RALGPS1: variants seen among roughly 807,000 people sequenced by gnomAD.
RALGPS1 encodes the protein ras-specific guanine nucleotide-releasing factor RalGPS1.
In RALGPS1, 19 loss-of-function variants were observed where a neutral mutation model predicts 78.8. That is an observed-to-expected ratio of 0.24 (90% confidence interval 0.17 to 0.35). The LOEUF is 0.35. Among genes scored for constraint, RALGPS1 ranks in the 10% least tolerant of loss-of-function variants. The pLI is 1.00. For synonymous variants in RALGPS1, 228 were observed against 256.3 expected (o/e 0.89, Z 1.06); for missense variants, 454 against 688.3 (o/e 0.66, Z 3.81).
At chr9:126,936,804 A>C (rs1377282939) in intron 1 of RALGPS1, among the ~76,000 whole-genome samples, 1 of 151,914 alleles carries the variant, frequency 6.6e-6, no homozygotes, top group Non-Finnish European at 1.5e-5. Flanking sequence ...TGGAGTAGAG[A>C]TATGGAGACA....
intron 9 of RALGPS1, among the ~76,000 whole-genome samples, chr9:127,168,253 T>G (rs990364824): frequency 6.6e-6 from 1 of 152,218 alleles, no homozygotes; most frequent in Non-Finnish European, 1.5e-5. Flanking sequence ...CTTGAATTCA[T>G]GTCACACAGC....
In RALGPS1 at chr9:127,219,493, A is replaced by G. The variant is rs184016369; in HGVS notation, c.*724A>G. 6.6e-6 allele frequency: 1 copy of G among 152,576 alleles called. No homozygotes were observed. The highest frequency in any genetic ancestry group is 2.4e-5 in the African/African-American group (1 of 41,448). The allele number at this position is 152,576 out of a possible 1,614,324, so 9.5% of individuals were successfully genotyped here. On this transcript the variant is annotated 3_prime_UTR_variant, in exon 19 of 19. Coordinates refer to ENST00000259351, the MANE Select transcript of RALGPS1 (RefSeq NM_014636.3). This position sits in a 1 kb window ranked among gnomAD's most constrained non-coding sequence, Gnocchi z 5.0. Reference sequence around the variant, plus strand: ...AAATTGTGTCTTGTTTTCTGTTCCTATGGGTGCTATTCATCTGGAAGGCCT... The same window carrying G: ...AAATTGTGTCTTGTTTTCTGTTCCTGTGGGTGCTATTCATCTGGAAGGCCT...
At chr9:127,010,476 C>T (rs1251241947) in intron 4 of RALGPS1, among the ~76,000 whole-genome samples, 3 of 152,126 alleles carry the variant, frequency 2.0e-5, no homozygotes, top group African/African-American at 4.8e-5. Flanking sequence ...GGCAAGGTAC[C>T]GTTCCTAGAG....
At chr9:127,043,826 A>G (rs1338223495) in intron 5 of RALGPS1, among the ~76,000 whole-genome samples, 2 of 152,348 alleles carry the variant, frequency 1.3e-5, no homozygotes, top group East Asian at 1.9e-4. Context: ...GCAGATGGCA[A>G]ATAAACATAT....
intron 8 of RALGPS1, among the ~76,000 whole-genome samples, chr9:127,109,111 G>T (rs1189016392): frequency 6.6e-6 from 1 of 152,226 alleles, no homozygotes; most frequent in East Asian, 1.9e-4. Context: ...TCGTATCCAG[G>T]CAGCTTCAGG....
intron 8 of RALGPS1, among the ~76,000 whole-genome samples, chr9:127,135,114 G>C (rs1588103272): frequency 6.6e-6 from 1 of 152,224 alleles, no homozygotes; most frequent in East Asian, 1.9e-4. Context: ...TGGAAGAAGA[G>C]GGGCTGTGTC....
chr9:127,176,165 A>T (rs2059861596), intron 11 of RALGPS1, among the ~76,000 whole-genome samples: 1 of 152,068 alleles, frequency 6.6e-6, no homozygotes, highest in African/African-American at 2.4e-5. Context: ...ATACCTCAAG[A>T]CAGTCCTGGC....
At chr9:127,141,460 C>G (rs937828874) in intron 8 of RALGPS1, among the ~76,000 whole-genome samples, 5 of 152,046 alleles carry the variant, frequency 3.3e-5, no homozygotes, top group Admixed American at 6.6e-5. Context: ...GTTTCCAGCT[C>G]AGGCACAGTC....
chr9:127,108,628 G>T, intron 8 of RALGPS1: 2 of 1,613,670 alleles, frequency 1.2e-6, no homozygotes, highest in Non-Finnish European at 1.7e-6. Flanking sequence ...GAACTCTCTT[G>T]GCGAGCCCTC....
chr9:126,975,060 T>C (rs1588754990), intron 3 of RALGPS1, among the ~76,000 whole-genome samples: 1 of 152,188 alleles, frequency 6.6e-6, no homozygotes, highest in African/African-American at 2.4e-5. Context: ...TTTGGCTTTT[T>C]AGTAAAATGG....
At chr9:127,046,357 CA>C (rs2047774341) in intron 5 of RALGPS1, among the ~76,000 whole-genome samples, 1 of 152,124 alleles carries the variant, frequency 6.6e-6, no homozygotes, top group South Asian at 2.1e-4. Context: ...AATTCCCTAT[CA>C]ATGGGCTTTT....
chr9:127,062,158 C>T (rs1250679992), intron 7 of RALGPS1, among the ~76,000 whole-genome samples: 1 of 151,918 alleles, frequency 6.6e-6, no homozygotes, highest in African/African-American at 2.4e-5. Context: ...AGTGCAGTGG[C>T]GCGATCTTGA....
chr9:127,180,631 C>A (rs1462001474), intron 11 of RALGPS1, among the ~76,000 whole-genome samples: 1 of 152,248 alleles, frequency 6.6e-6, no homozygotes, highest in East Asian at 1.9e-4. Context: ...CTCGTGGCCT[C>A]CCAGGCGGGC....
At chr9:126,918,016 A>T (rs753409518) in intron 1 of RALGPS1, among the ~76,000 whole-genome samples, 3 of 152,222 alleles carry the variant, frequency 2.0e-5, no homozygotes, top group Non-Finnish European at 4.4e-5. Context: ...TGGCCATAGT[A>T]GGTGCTCACC....
At chr9:127,167,475 A>G (rs996379314) in intron 9 of RALGPS1, among the ~76,000 whole-genome samples, 6 of 152,208 alleles carry the variant, frequency 3.9e-5, no homozygotes, top group Admixed American at 3.9e-4. Flanking sequence ...TTGTCTCTTG[A>G]AAAGTCACTT....
rs2059417383 is a variant in RALGPS1, at chr9:127,168,787, A to G, written c.842+15A>G. ...GACAACTACAAGTAAGTCCCCACGT[A>G]TTCCTGTGTCAGGCCTCCCAGCCCC... On this transcript the variant is annotated intron_variant, in intron 10 of 18. Transcript: ENST00000259351. 5.7e-6 allele frequency: 9 copies of G among 1,588,258 alleles called. No individual in the cohort carries two copies. The highest frequency in any genetic ancestry group is 6.9e-6 in the Non-Finnish European group (8 of 1,156,630).
chr9:127,134,691 G>T (rs2057274719), intron 8 of RALGPS1, among the ~76,000 whole-genome samples: 1 of 152,028 alleles, frequency 6.6e-6, no homozygotes, highest in African/African-American at 2.4e-5. Flanking sequence ...TTTTGTTTTT[G>T]TTGTTGTTGT....
At chr9:127,197,331 T>TG (rs1347445075) in intron 13 of RALGPS1, among the ~76,000 whole-genome samples, 12 of 152,166 alleles carry the variant, frequency 7.9e-5, no homozygotes, top group African/African-American at 2.7e-4. Flanking sequence ...GTCAGGCCAG[T>TG]GTGCTCTGAT....
rs2062760082 is a variant in RALGPS1 at position 127,221,031 on chromosome 9, G to A, written c.*2262G>A. The A allele has an allele frequency of 6.6e-6, 1 of 152,496 alleles. No individual in the cohort carries two copies. Among genetic ancestry groups the A allele is most frequent in the Non-Finnish European group, 1.5e-5 (1 of 68,038 alleles). 9.4% of individuals were successfully genotyped at this position (152,496 alleles called of 1,614,324 possible). On this transcript the variant is annotated 3_prime_UTR_variant, in exon 19 of 19. Transcript: ENST00000259351. ...AACATTCTTAGCTCGGACTCTTGAA[G>A]AATCTCTTTAGATTTTGTTGGCAAA...
Sources: gnomAD v4.1 joint callset for allele counts (sites outside exome capture counted in the v4.1 genomes callset) on GRCh38, gnomAD v4.1.1 for gene constraint, Gnocchi (gnomAD v3.1) non-coding constraint, MANE v1.5 for transcripts, NCBI Gene and HGNC (gene_info 2026-07-23, HGNC 2026-07-21) for gene names.